FMN2: variants seen among roughly 807,000 people sequenced by gnomAD.
FMN2 encodes formin-2.
Under a neutral mutation model 142.3 loss-of-function variants are expected in FMN2, and 51 were observed. The observed-to-expected ratio is 0.36, with a 90% CI of 0.29 to 0.45. The LOEUF (loss-of-function observed/expected upper bound fraction) is 0.45, where lower values mean the gene tolerates loss of function less well. FMN2 is among the 20% of genes least tolerant of loss of function. The pLI is 1.00. For synonymous variants in FMN2, 882 were observed against 869.8 expected, an observed-to-expected ratio of 1.01 and a Z score of -0.25; for missense variants, 1,936 against 2,122.8, an observed-to-expected ratio of 0.91 and a Z score of 1.73.
At chr1:240,280,685 A>T (rs569316014) in intron 7 of FMN2, among the ~76,000 whole-genome samples, 1 of 152,296 alleles carries the variant, frequency 6.6e-6, no homozygotes, top group African/African-American at 2.4e-5. Context: ...GATGTTTTAC[A>T]TAAAGTACAG....
At position 240,207,004 on chromosome 1, in the gene FMN2, A is replaced by G; in HGVS notation, c.2192A>G (p.Lys731Arg). ...CTCGAAGCTCTCAGGTTAGAAGAAAAGGAAGTACGGCATCATAGGATTTTA... is the reference window on the plus strand; with the variant it reads ...CTCGAAGCTCTCAGGTTAGAAGAAAGGGAAGTACGGCATCATAGGATTTTA... ...VCLEALRLEE[K>R]EVRHHRILEA... is the part of the protein sequence containing the mutation. Residue 731 changes from lysine to arginine, a missense_variant, in exon 5 of 18, where the codon AAG (lysine) becomes AGG (arginine). By Grantham distance (26) the Lys-to-Arg change is conservative. Transcript: ENST00000319653. The G allele has an allele frequency of 6.2e-7, 1 of 1,614,168 alleles. No homozygotes were observed. Among genetic ancestry groups the G allele is most frequent in the Non-Finnish European group, 8.5e-7 (1 of 1,180,008 alleles).
At chr1:240,160,097 G>C (rs1664221206) in intron 2 of FMN2, among the ~76,000 whole-genome samples, 1 of 150,070 alleles carries the variant, frequency 6.7e-6, no homozygotes, top group Non-Finnish European at 1.5e-5. Context: ...TCTGGACTCA[G>C]GTAGTTTCAT....
chr1:240,124,090 T>TA (rs1662404042), intron 2 of FMN2, among the ~76,000 whole-genome samples: 1 of 152,224 alleles, frequency 6.6e-6, no homozygotes, highest in Admixed American at 6.5e-5. Context: ...ACATGTGGGT[T>TA]GTTTCCACCT....
rs1572736053 is a variant in FMN2, at chr1:240,092,274, C to T, written c.165C>T (p.Gly55=). 1 of 1,414,802 alleles carries T rather than the reference C, an allele frequency of 7.1e-7. No individual in the cohort carries two copies. The highest frequency in any genetic ancestry group is 9.7e-7 in the Non-Finnish European group (1 of 1,033,762). The allele number at this position is 1,414,802 out of a possible 1,614,324, so 87.6% of individuals were successfully genotyped here. A position where few individuals can be genotyped will look rare whatever the true frequency, so the allele number is the denominator to read the frequency against. ...LGKHGKGGGG[G]GGGGESGKKK... is the part of the protein sequence containing the mutation. The stretch of plus-strand genomic sequence containing the variant: ...AGCACGGCAAGGGGGGAGGGGGCGG[C>T]GGCGGCGGCGGGGAGTCGGGCAAGA... Residue 55 remains glycine (G), a synonymous_variant, in exon 1 of 18, where the codon GGC becomes GGT. Transcript: ENST00000319653.
chr1:240,417,050 G>A lies in FMN2; in HGVS notation c.4911-21011G>A, dbSNP rs573634235. Reference sequence around the variant, plus strand: ...TGATGAGTTACTTATGTGTATATTCGTTGTGTCTGTTTCAAATGCATGGGT... The same window carrying A: ...TGATGAGTTACTTATGTGTATATTCATTGTGTCTGTTTCAAATGCATGGGT... On this transcript the variant is annotated intron_variant, in intron 15 of 17. Transcript: ENST00000319653. Among the ~76,000 whole-genome samples, 122 of 149,440 alleles carry A rather than the reference G, an allele frequency of 8.2e-4. 2 individuals carry two copies. Among genetic ancestry groups the A allele is most frequent in the African/African-American group, 1.4e-3 (56 of 40,854 alleles).
chr1:240,465,650 G>C (rs1676593563), intron 16 of FMN2, among the ~76,000 whole-genome samples: 2 of 152,146 alleles, frequency 1.3e-5, no homozygotes, highest in African/African-American at 4.8e-5. Context: ...AGCAAGCCGA[G>C]CTGCAGCCAG....
intron 1 of FMN2, among the ~76,000 whole-genome samples, chr1:240,109,911 G>C (rs1323239132): frequency 2.0e-5 from 3 of 152,026 alleles, no homozygotes; most frequent in Non-Finnish European, 2.9e-5. Context: ...TCTTCAGCTT[G>C]TCTTCCTCTA....
At chr1:240,367,767 CAAAAAAAAAAAAAA>C (rs60368715) in intron 14 of FMN2, among the ~76,000 whole-genome samples, 1 of 54,044 alleles carries the variant, frequency 1.9e-5, no homozygotes, top group Non-Finnish European at 4.7e-5. Context: ...GACTCAGTCT[CAAAAAAAAAAAAAA>C]AAAAAAAAAA....
intron 16 of FMN2, among the ~76,000 whole-genome samples, chr1:240,468,208 G>A (rs12074023): frequency 0.029 from 998 of 33,926 alleles, 22 homozygotes; most frequent in East Asian, 0.21. Context: ...ATATATATAT[G>A]TGTGTGTGTG....
At chr1:240,106,063 T>TA (rs1661596293) in intron 1 of FMN2, among the ~76,000 whole-genome samples, 1 of 152,170 alleles carries the variant, frequency 6.6e-6, no homozygotes, top group Non-Finnish European at 1.5e-5. Context: ...TGAACATTAA[T>TA]AAAAATCTCA....
At chr1:240,159,249 T>TA (rs1465292798) in intron 2 of FMN2, among the ~76,000 whole-genome samples, 9 of 152,312 alleles carry the variant, frequency 5.9e-5, no homozygotes, top group African/African-American at 2.2e-4. Context: ...TTTTCTCTGA[T>TA]ACGCTGGGGT....
chr1:240,416,759 CT>C (rs34713509), intron 15 of FMN2, among the ~76,000 whole-genome samples: 90,572 of 148,378 alleles, frequency 0.61, 27,800 homozygotes, highest in Middle Eastern at 0.69. Context: ...TCTCTCTCTT[CT>C]TTTTTTTTTT....
intron 7 of FMN2, among the ~76,000 whole-genome samples, chr1:240,271,920 G>A (rs529684885): frequency 3.9e-5 from 6 of 152,166 alleles, no homozygotes; most frequent in African/African-American, 1.4e-4. Flanking sequence ...AAAAACTTGG[G>A]TTGAGCTTAG....
chr1:240,246,514 G>T (rs1401136993), intron 6 of FMN2, among the ~76,000 whole-genome samples: 1 of 152,210 alleles, frequency 6.6e-6, no homozygotes, highest in Non-Finnish European at 1.5e-5. Context: ...GCTTTAGGAT[G>T]TTGGGGTAGC....
chr1:240,092,411 A>T lies in FMN2; in HGVS notation c.302A>T (p.Gln101Leu), dbSNP rs879159241. ...GGSREDVLDS[Q>L]ALQTGELDSA... Reference sequence around the variant, plus strand: ...TCCCGCGAAGATGTACTGGATTCCCAGGCCCTGCAGACCGGGGAGCTGGAC... The same window carrying T: ...TCCCGCGAAGATGTACTGGATTCCCTGGCCCTGCAGACCGGGGAGCTGGAC... Residue 101 changes from glutamine to leucine, a missense_variant, in exon 1 of 18, where the codon CAG (glutamine) becomes CTG (leucine). Around this residue, in one of 8 missense-constraint regions of FMN2, gnomAD observed 751 missense variants for 791.8 expected, o/e 0.95. Coordinates refer to ENST00000319653, the MANE Select transcript of FMN2 (RefSeq NM_020066.5). 2.5e-6 allele frequency: 4 copies of T among 1,612,392 alleles called. No individual in the cohort carries two copies. The highest frequency in any genetic ancestry group is 3.4e-6 in the Non-Finnish European group (4 of 1,179,548).
At chr1:240,105,196 C>G (rs1319821633) in intron 1 of FMN2, among the ~76,000 whole-genome samples, 1 of 148,176 alleles carries the variant, frequency 6.7e-6, no homozygotes, top group Non-Finnish European at 1.5e-5. Context: ...ACAGCCTCAA[C>G]CTCCTGGGTT....
intron 8 of FMN2, 68 bp downstream of exon 8, chr1:240,294,951 A>G: frequency 7.1e-7 from 1 of 1,399,122 alleles, no homozygotes; most frequent in Non-Finnish European, 1.0e-6. Context: ...ATGTGCACAT[A>G]TAGGCTCTTT....
intron 6 of FMN2, among the ~76,000 whole-genome samples, chr1:240,232,002 A>C (rs1414627577): frequency 6.6e-6 from 1 of 152,156 alleles, no homozygotes; most frequent in East Asian, 1.9e-4. Flanking sequence ...TATTACTTAT[A>C]TTCTCTACCA....
intron 2 of FMN2, among the ~76,000 whole-genome samples, chr1:240,138,250 A>C (rs988412293): frequency 1.3e-5 from 2 of 151,770 alleles, no homozygotes; most frequent in Non-Finnish European, 2.9e-5. Context: ...TAGAGAGAGC[A>C]TTCTGGGTGT....
Sources: gnomAD v4.1 joint callset for allele counts (sites outside exome capture counted in the v4.1 genomes callset) on GRCh38, gnomAD v4.1.1 for gene constraint, gnomAD v4.1.1 regional missense constraint, MANE v1.5 for transcripts, NCBI Gene and HGNC (gene_info 2026-07-23, HGNC 2026-07-21) for gene names.